CTNND2: variants seen among roughly 807,000 people sequenced by gnomAD.
CTNND2 encodes the protein catenin delta 2.
Under a neutral mutation model 144.4 loss-of-function variants are expected in CTNND2, and 22 were observed. That is an observed-to-expected ratio of 0.15 (90% confidence interval 0.11 to 0.22). The LOEUF is 0.22. Among genes scored for constraint, CTNND2 ranks in the 10% least tolerant of loss-of-function variants. CTNND2 has a pLI of 1.00. For synonymous variants in CTNND2, 751 were observed against 695.6 expected, an observed-to-expected ratio of 1.08 and a Z score of -1.25; for missense variants, 1,353 against 1,618.8, an observed-to-expected ratio of 0.84 and a Z score of 2.82.
intron 2 of CTNND2, among the ~76,000 whole-genome samples, chr5:11,594,036 T>C (rs1305682113): frequency 6.6e-6 from 1 of 152,236 alleles, no homozygotes; most frequent in Non-Finnish European, 1.5e-5. Flanking sequence ...TTGATAAACA[T>C]ACTCTGTTTC....
chr5:11,486,331 ACACTAGGTGATAATATCCAGTAGATCG>A (rs1316599602), intron 3 of CTNND2, among the ~76,000 whole-genome samples: 8 of 152,210 alleles, frequency 5.3e-5, no homozygotes, highest in Admixed American at 3.9e-4. Flanking sequence ...CCAGTAGACC[ACACTAGGTGATAATATCCAGTAGATCG>A]CACTAGGTGA....
At chr5:11,684,004 G>A (rs1784534767) in intron 2 of CTNND2, among the ~76,000 whole-genome samples, 1 of 152,214 alleles carries the variant, frequency 6.6e-6, no homozygotes, top group Non-Finnish European at 1.5e-5. Context: ...AATAAAAAGG[G>A]TGTAGACCTA....
chr5:11,282,081 G>A (rs1183660821), intron 9 of CTNND2, among the ~76,000 whole-genome samples: 1 of 152,070 alleles, frequency 6.6e-6, no homozygotes, highest in Non-Finnish European at 1.5e-5. Flanking sequence ...ACTGGCATTG[G>A]AGAATCCACT....
intron 16 of CTNND2, among the ~76,000 whole-genome samples, chr5:11,061,654 C>T (rs1746994043): frequency 6.6e-6 from 1 of 152,142 alleles, no homozygotes. Context: ...CCTTGTCACT[C>T]TCTAAACCCT....
intron 9 of CTNND2, among the ~76,000 whole-genome samples, chr5:11,243,370 C>T (rs982705399): frequency 6.6e-6 from 1 of 152,022 alleles, no homozygotes. Context: ...CCATCTGTCC[C>T]ACTGAGATAA....
chr5:11,691,373 A>AAAAATAAAATAAAAT lies in CTNND2; in HGVS notation c.174+40748_174+40762dup, dbSNP rs376221473. Among the ~76,000 whole-genome samples the AAAAATAAAATAAAAT allele has an allele frequency of 2.2e-3, 316 of 146,320 alleles. 1 individual carries two copies. The highest frequency in any genetic ancestry group is 7.8e-3 in the African/African-American group (300 of 38,558). The stretch of plus-strand genomic sequence containing the variant: ...GGCGACAGAGCGAGACTCTGTCTCA[A>AAAAATAAAATAAAAT]AAAATAAAATAAAATAAAATAAAAT... On this transcript the variant is annotated intron_variant, in intron 2 of 21. Transcript: ENST00000304623.
At chr5:11,470,059 C>A (rs1034232216) in intron 3 of CTNND2, among the ~76,000 whole-genome samples, 39 of 152,196 alleles carry the variant, frequency 2.6e-4, no homozygotes, top group Non-Finnish European at 7.3e-5. Context: ...TATAATAATT[C>A]TATGCTATCC....
At chr5:11,398,163 C>A (rs867808833) in intron 5 of CTNND2, among the ~76,000 whole-genome samples, 1 of 152,108 alleles carries the variant, frequency 6.6e-6, no homozygotes, top group African/African-American at 2.4e-5. Flanking sequence ...AGTACAAAGT[C>A]ATATATTCGA....
intron 3 of CTNND2, among the ~76,000 whole-genome samples, chr5:11,438,025 T>G (rs1048170417): frequency 1.3e-5 from 2 of 152,172 alleles, no homozygotes; most frequent in African/African-American, 4.8e-5. Context: ...TGTGACAACA[T>G]GGGAGAAGAA....
chr5:11,815,352 A>T (rs1374984879), intron 1 of CTNND2, among the ~76,000 whole-genome samples: 1 of 152,224 alleles, frequency 6.6e-6, no homozygotes, highest in East Asian at 1.9e-4. Context: ...TACTGTCATA[A>T]TTATGCCTAC....
At chr5:11,572,431 G>A (rs1373067725) in intron 2 of CTNND2, among the ~76,000 whole-genome samples, 4 of 152,166 alleles carry the variant, frequency 2.6e-5, no homozygotes, top group Admixed American at 6.5e-5. Flanking sequence ...ACAGAGAGAA[G>A]TCCTTCTCTA....
intron 16 of CTNND2, among the ~76,000 whole-genome samples, chr5:11,023,364 C>T (rs1331352586): frequency 6.6e-6 from 1 of 152,286 alleles, no homozygotes; most frequent in South Asian, 2.1e-4. Context: ...TAGGTATTAG[C>T]TATTATTATG....
intron 2 of CTNND2, among the ~76,000 whole-genome samples, chr5:11,628,574 T>A (rs1360867359): frequency 6.6e-6 from 1 of 152,144 alleles, no homozygotes; most frequent in Non-Finnish European, 1.5e-5. Context: ...GCTTCCAACC[T>A]CAGCTATAAG....
chr5:11,876,182 T>C (rs555140655), intron 1 of CTNND2, among the ~76,000 whole-genome samples: 2 of 150,042 alleles, frequency 1.3e-5, no homozygotes, highest in Admixed American at 6.7e-5. Context: ...TTCAGATAGA[T>C]AGGTAGAAAA....
chr5:11,469,251 T>A (rs1766937447), intron 3 of CTNND2, among the ~76,000 whole-genome samples: 1 of 152,166 alleles, frequency 6.6e-6, no homozygotes, highest in African/African-American at 2.4e-5. Context: ...GCAGATTTCC[T>A]TTTTTCCCCC....
intron 3 of CTNND2, among the ~76,000 whole-genome samples, chr5:11,562,448 G>C (rs143626486): frequency 2.6e-5 from 4 of 152,338 alleles, no homozygotes; most frequent in Non-Finnish European, 4.4e-5. Context: ...CAGTGGAAGT[G>C]ATGCTATGCA....
At chr5:11,722,253 T>G (rs534713476) in intron 2 of CTNND2, among the ~76,000 whole-genome samples, 1 of 152,278 alleles carries the variant, frequency 6.6e-6, no homozygotes, top group East Asian at 1.9e-4. Context: ...GAATGAAGAA[T>G]TTGCTATAAC....
chr5:11,427,722 C>T (rs983233503), intron 3 of CTNND2, among the ~76,000 whole-genome samples: 3 of 152,108 alleles, frequency 2.0e-5, no homozygotes, highest in African/African-American at 4.8e-5. Context: ...CATAGGATAT[C>T]AAGAAATCCT....
chr5:11,781,409 T>C (rs1232403549), intron 1 of CTNND2, among the ~76,000 whole-genome samples: 1 of 152,242 alleles, frequency 6.6e-6, no homozygotes, highest in Non-Finnish European at 1.5e-5. Flanking sequence ...ATATGAGGTT[T>C]CTGAGGAAGC....
Sources: gnomAD v4.1 joint callset for allele counts (sites outside exome capture counted in the v4.1 genomes callset) on GRCh38, gnomAD v4.1.1 for gene constraint, MANE v1.5 for transcripts, NCBI Gene and HGNC (gene_info 2026-07-23, HGNC 2026-07-21) for gene names.